Variants in UTP15 observed in about 807,000 individuals in gnomAD.
UTP15 encodes U3 small nucleolar RNA-associated protein 15 homolog.
A neutral mutation model predicts 59.1 loss-of-function variants in UTP15; 5 were observed. The ratio of observed to expected loss-of-function variants is 0.08; its 90% CI spans 0.04 to 0.18. UTP15 has a LOEUF of 0.18. Among genes scored for constraint, UTP15 ranks in the 10% least tolerant of loss-of-function variants. The pLI, the probability that UTP15 is intolerant of heterozygous loss-of-function variation, is 1.00. For synonymous variants in UTP15, 211 were observed against 212.2 expected (o/e 0.99, Z 0.05); for missense variants, 494 against 616.7 (o/e 0.80, Z 2.11).
chr5:73,576,763 G>A (rs934151580), intron 7 of UTP15, among the ~76,000 whole-genome samples, 189 bp from the exon 8 acceptor site: 3 of 152,174 alleles, frequency 2.0e-5, no homozygotes, highest in Non-Finnish European at 4.4e-5. Flanking sequence ...GTGAGCCACC[G>A]TGTCCGGCCT....
rs752479886 is a variant in UTP15 at position 73,565,801 on chromosome 5, A to C, written c.-195A>C. On this transcript the variant is annotated 5_prime_UTR_variant, in exon 1 of 13. It removes an upstream start codon present in the reference 5' UTR. Transcript: ENST00000296792. ...TGTGTCGCCGGCTCCTTGAGGGTCCATGTGATTTTTACGCCAGTGCTGCTG... is the reference window on the plus strand; with the variant it reads ...TGTGTCGCCGGCTCCTTGAGGGTCCCTGTGATTTTTACGCCAGTGCTGCTG... The C allele has an allele frequency of 4.4e-6, 2 of 456,080 alleles. No homozygotes were observed. Among genetic ancestry groups the C allele is most frequent in the Non-Finnish European group, 8.8e-6 (2 of 226,968 alleles). 28.3% of individuals were successfully genotyped at this position (456,080 alleles called of 1,614,324 possible).
At chr5:73,576,632 G>A (rs1396531806) in intron 7 of UTP15, among the ~76,000 whole-genome samples, 1 of 151,738 alleles carries the variant, frequency 6.6e-6, no homozygotes, top group Non-Finnish European at 1.5e-5. Flanking sequence ...GTGCCACCAC[G>A]CCCAGCTATT....
Position 73,572,629 on chromosome 5 carries a change from G to T in UTP15, c.809+5G>T, listed in dbSNP as rs1249660817. The T allele has an allele frequency of 6.2e-7, 1 of 1,606,252 alleles. No individual in the cohort carries two copies. ...ACTCTCTGGCTCACTGGATAGGTTG[G>T]CATTTTAATTTTTTTGTATATTATT... On this transcript the variant is annotated splice_donor_5th_base_variant and intron_variant, in intron 7 of 12. Transcript: ENST00000296792.
chr5:73,566,822 C>A (rs2112035133), intron 1 of UTP15, among the ~76,000 whole-genome samples: 1 of 152,278 alleles, frequency 6.6e-6, no homozygotes, highest in South Asian at 2.1e-4. Context: ...TTTCTTACTT[C>A]TTGGCATTTT....
intron 7 of UTP15, among the ~76,000 whole-genome samples, chr5:73,575,770 T>C (rs1004310895): frequency 4.6e-5 from 7 of 151,870 alleles, no homozygotes; most frequent in African/African-American, 1.7e-4. Flanking sequence ...TTGCCCAGGC[T>C]GGAGTGCAAT....
Position 73,579,374 on chromosome 5 carries a change from T to C in UTP15, c.1338T>C (p.Ile446=). ...TAATCAATGCTGCTGAAATAATTATTGGTAAGTCATTGTTAAAACTTGAAA... is the reference window on the plus strand; with the variant it reads ...TAATCAATGCTGCTGAAATAATTATCGGTAAGTCATTGTTAAAACTTGAAA... ...PVLINAAEII[I]DIYLPVIGQS... is the part of the protein sequence containing the mutation. The change falls in exon 12 of 13, where the codon ATT becomes ATC. Residue 446 remains isoleucine, a splice_region_variant and synonymous_variant. Coordinates refer to ENST00000296792, the MANE Select transcript of UTP15 (RefSeq NM_032175.4). The C allele has an allele frequency of 6.2e-7, 1 of 1,602,730 alleles. No homozygotes were observed. Among genetic ancestry groups the C allele is most frequent in the South Asian group, 1.1e-5 (1 of 88,146 alleles).
At chr5:73,577,808 A>T (rs1748146103) in intron 8 of UTP15, 48 bp from the exon 9 acceptor site, 3 of 1,499,106 alleles carry the variant, frequency 2.0e-6, no homozygotes, top group Non-Finnish European at 2.7e-6. Flanking sequence ...AAAGTACTAT[A>T]AATTACGAGT....
intron 7 of UTP15, among the ~76,000 whole-genome samples, chr5:73,573,481 C>T (rs1236853261): frequency 3.3e-5 from 5 of 151,958 alleles, no homozygotes; most frequent in South Asian, 2.1e-4. Flanking sequence ...CTTCTGGCCT[C>T]GTGTGGTCTG....
At position 73,568,451 on chromosome 5, in the gene UTP15, C is replaced by T; in HGVS notation, c.215C>T (p.Pro72Leu). ...ATTTATGGCCGATACTCCCAAGAAC[C>T]TATAAAAACCTTTTCTCGATTTAAA... ...IHIYGRYSQEPIKTFSRFKDT... is the reference protein window; with the variant it reads ...IHIYGRYSQELIKTFSRFKDT... Residue 72 changes from proline (P) to leucine (L), a missense_variant, in exon 4 of 13, where the codon CCT becomes CTT. By Grantham distance (98) the Pro-to-Leu change is moderately conservative. Coordinates refer to ENST00000296792, the MANE Select transcript of UTP15 (RefSeq NM_032175.4). 1 of 1,612,890 alleles carries T rather than the reference C, an allele frequency of 6.2e-7. No individual in the cohort carries two copies. The highest frequency in any genetic ancestry group is 8.5e-7 in the Non-Finnish European group (1 of 1,179,452).
At chr5:73,573,312 A>G (rs1342550879) in intron 7 of UTP15, among the ~76,000 whole-genome samples, 3 of 151,064 alleles carry the variant, frequency 2.0e-5, no homozygotes, top group Non-Finnish European at 1.5e-5. Context: ...CAGTGGCACA[A>G]TCTGGGCTTA....
chr5:73,568,203 ACT>A (rs1561275176), intron 2 of UTP15, 30 bp from the exon 3 acceptor site: 1 of 1,519,570 alleles, frequency 6.6e-7, no homozygotes, highest in Non-Finnish European at 9.0e-7. Flanking sequence ...ACCAGTGGTA[ACT>A]CTGTTAACAC....
At chr5:73,565,993 G>A (rs963998496) in intron 1 of UTP15, 81 bp downstream of exon 1, 2 of 416,462 alleles carry the variant, frequency 4.8e-6, no homozygotes, top group Admixed American at 5.5e-5. Context: ...CTCTTCTGGG[G>A]CTTCCCAGGC....
rs552726273 is a variant in UTP15, at chr5:73,583,056, G to A, written c.*2962G>A. 6.6e-6 allele frequency: 1 copy of A among 152,258 alleles called. No individual in the cohort carries two copies. Among genetic ancestry groups the A allele is most frequent in the East Asian group, 1.9e-4 (1 of 5,184 alleles). The allele number at this position is 152,258 out of a possible 1,614,324, so 9.4% of individuals were successfully genotyped here. ...TTAAAGGAATTTGAATTGTAAATGG[G>A]ATTGTTAAAACAAATTTAGTCTGTT... On this transcript the variant is annotated 3_prime_UTR_variant, in exon 13 of 13. Transcript: ENST00000296792.
rs192742667 is a variant in UTP15 at position 73,569,537 on chromosome 5, G to C, written c.409G>C (p.Val137Leu). 1.2e-6 allele frequency: 2 copies of C among 1,611,440 alleles called. No homozygotes were observed. Residue 137 changes from valine (V) to leucine (L), a missense_variant, in exon 5 of 13, where the codon GTG (valine) becomes CTG (leucine). Transcript: ENST00000296792. ...TVDFTADKYH[V>L]VSGADDYTVK... The stretch of plus-strand genomic sequence containing the variant: ...AGATTTTACAGCTGACAAATATCAC[G>C]TGGTCTCTGGGGCTGATGATTATAC...
chr5:73,579,229 C>T, intron 11 of UTP15, 79 bp downstream of exon 11: 1 of 1,601,680 alleles, frequency 6.2e-7, no homozygotes, highest in Non-Finnish European at 8.5e-7. Context: ...TTAGTTTGAT[C>T]TTTGTAGAGA....
In UTP15 at chr5:73,572,284, G is replaced by T. The variant is rs73117981; in HGVS notation, c.674-205G>T. Among the ~76,000 whole-genome samples, 13,655 of 152,060 alleles carry T rather than the reference G, an allele frequency of 0.09. 954 individuals carry two copies. The highest frequency in any genetic ancestry group is 0.2 in the African/African-American group (8,214 of 41,452). On this transcript the variant is annotated intron_variant, in intron 6 of 12. Transcript: ENST00000296792. ...GTACACTTCACAAATATTATTTAAT[G>T]GTCATAACAGTTCTGTGAGGTAGGA... is the stretch of plus-strand genomic sequence containing the variant.
At position 73,580,160 on chromosome 5, in the gene UTP15, C is replaced by A; in HGVS notation, c.*66C>A. 2 of 1,399,790 alleles carry A rather than the reference C, an allele frequency of 1.4e-6. No homozygotes were observed. Among genetic ancestry groups the A allele is most frequent in the Non-Finnish European group, 2.0e-6 (2 of 1,015,040 alleles). The allele number at this position is 1,399,790 out of a possible 1,614,324, so 86.7% of individuals were successfully genotyped here. ...TAGATTTGACTGTATTAAATGTTGG[C>A]GAGAGACTCTCTTTGATACATTAAA... On this transcript the variant is annotated 3_prime_UTR_variant, in exon 13 of 13. Transcript: ENST00000296792.
At chr5:73,570,909 A>G (rs1397784679) in intron 6 of UTP15, among the ~76,000 whole-genome samples, 198 bp downstream of exon 6, 3 of 152,240 alleles carry the variant, frequency 2.0e-5, no homozygotes, top group Non-Finnish European at 4.4e-5. Context: ...GCTGTTACAT[A>G]TGAACTCTAA....
chr5:73,574,509 A>G (rs895091742), intron 7 of UTP15, among the ~76,000 whole-genome samples: 1 of 149,118 alleles, frequency 6.7e-6, no homozygotes, highest in Non-Finnish European at 1.5e-5. Context: ...TTTTTTTGAG[A>G]CAGGGTTTTG....
Sources: allele counts gnomAD v4.1 joint callset (sites outside exome capture counted in the v4.1 genomes callset), GRCh38; gene constraint gnomAD v4.1.1; transcripts MANE v1.5; gene names NCBI Gene and HGNC (gene_info 2026-07-23, HGNC 2026-07-21).